Variants in PIK3C2G observed in about 807,000 individuals in gnomAD.
PIK3C2G encodes phosphatidylinositol 3-kinase C2 domain-containing subunit gamma.
PIK3C2G carries 168 observed loss-of-function variants against 181.1 expected under a neutral mutation model. The ratio of observed to expected loss-of-function variants is 0.93; its 90% CI spans 0.82 to 1.05. The LOEUF is 1.05. Ranked by LOEUF, PIK3C2G falls within the 50% of genes least tolerant of loss-of-function variation. The probability of loss-of-function intolerance (pLI) is 0.00; values close to 1 mark genes in which losing one functional copy is unlikely to be tolerated. For missense variants in PIK3C2G, 1,869 were observed against 1,732.8 expected (o/e 1.08, Z -1.40); for synonymous variants, 573 against 592.2 (o/e 0.97, Z 0.47).
chr12:18,354,543 G>A (rs754611100), intron 11 of PIK3C2G, among the ~76,000 whole-genome samples: 4 of 152,188 alleles, frequency 2.6e-5, no homozygotes, highest in Non-Finnish European at 5.9e-5. Flanking sequence ...GGTAAAGAAA[G>A]CCTGCACATA....
intron 22 of PIK3C2G, among the ~76,000 whole-genome samples, chr12:18,502,780 T>C (rs898610233): frequency 3.3e-5 from 5 of 152,170 alleles, no homozygotes; most frequent in African/African-American, 1.2e-4. Flanking sequence ...AGATGTTCAC[T>C]GCTGAGTTAT....
the PIK3C2G span, among the ~76,000 whole-genome samples, chr12:18,667,424 G>A: frequency 1.3e-5 from 2 of 152,068 alleles, no homozygotes; most frequent in African/African-American, 4.8e-5. Context: ...TCTCATTCAG[G>A]TCTCCAGAGT....
At chr12:18,391,383 G>A (rs1174150084) in intron 15 of PIK3C2G, 131 bp downstream of exon 15, 2 of 564,894 alleles carry the variant, frequency 3.5e-6, no homozygotes, top group African/African-American at 3.9e-5. Context: ...CTGATGTCAT[G>A]CTTCTTGGAT....
the PIK3C2G span, among the ~76,000 whole-genome samples, chr12:18,699,338 G>A: frequency 6.6e-5 from 10 of 151,994 alleles, no homozygotes; most frequent in Admixed American, 2.6e-4. Context: ...CTTTATTACC[G>A]CCTTCCTGCC....
At chr12:18,452,172 T>C (rs1361528048) in intron 18 of PIK3C2G, among the ~76,000 whole-genome samples, 1 of 152,240 alleles carries the variant, frequency 6.6e-6, no homozygotes, top group Non-Finnish European at 1.5e-5. Flanking sequence ...GTACCTCTGG[T>C]AGAATTCGGC....
At chr12:18,396,074 T>C (rs980441100) in intron 15 of PIK3C2G, among the ~76,000 whole-genome samples, 2 of 151,620 alleles carry the variant, frequency 1.3e-5, no homozygotes, top group African/African-American at 2.4e-5. Context: ...GTAAATGCAC[T>C]AAGAACTCAA....
intron 11 of PIK3C2G, among the ~76,000 whole-genome samples, chr12:18,347,705 G>A (rs1016595179): frequency 1.3e-5 from 2 of 152,066 alleles, no homozygotes; most frequent in Non-Finnish European, 2.9e-5. Flanking sequence ...CAGCTACTCT[G>A]GAGGCTGAGG....
chr12:18,343,292 G>A, intron 9 of PIK3C2G, 35 bp from the exon 10 acceptor site: 2 of 1,154,552 alleles, frequency 1.7e-6, no homozygotes, highest in Non-Finnish European at 2.5e-6. Context: ...AATTTGTTGT[G>A]CGAATAACAA....
At chr12:18,392,441 C>A (rs1367387470) in intron 15 of PIK3C2G, among the ~76,000 whole-genome samples, 1 of 152,074 alleles carries the variant, frequency 6.6e-6, no homozygotes, top group Non-Finnish European at 1.5e-5. Context: ...CCAGTAACAT[C>A]AAACTCCTTT....
At chr12:18,555,210 A>G (rs1037677758) in intron 26 of PIK3C2G, among the ~76,000 whole-genome samples, 4 of 152,192 alleles carry the variant, frequency 2.6e-5, no homozygotes, top group African/African-American at 9.6e-5. Flanking sequence ...CTGTCATAGA[A>G]ATCTCCATCA....
the PIK3C2G span, among the ~76,000 whole-genome samples, chr12:18,673,688 T>G: frequency 6.6e-6 from 1 of 152,210 alleles, no homozygotes; most frequent in Admixed American, 6.5e-5. Flanking sequence ...GCCCTCTGAT[T>G]CACTGTCTCT....
At chr12:18,409,208 T>C (rs947514957) in intron 16 of PIK3C2G, among the ~76,000 whole-genome samples, 1 of 152,184 alleles carries the variant, frequency 6.6e-6, no homozygotes, top group African/African-American at 2.4e-5. Flanking sequence ...CATGGAATAC[T>C]ATGCAGCCAT....
the PIK3C2G span, among the ~76,000 whole-genome samples, chr12:18,682,739 A>G: frequency 6.6e-6 from 1 of 151,984 alleles, no homozygotes; most frequent in Non-Finnish European, 1.5e-5. Context: ...ACTCCAGTGC[A>G]CAGCATCTAA....
chr12:18,337,211 A>G (rs1336204147), intron 8 of PIK3C2G, among the ~76,000 whole-genome samples: 1 of 152,156 alleles, frequency 6.6e-6, no homozygotes, highest in Non-Finnish European at 1.5e-5. Context: ...GAAAAGAGAG[A>G]TTTCTCACTA....
chr12:18,700,512 C>CAAAAAAAAAAAA, the PIK3C2G span, among the ~76,000 whole-genome samples: 78 of 67,854 alleles, frequency 1.1e-3, 2 homozygotes, highest in Admixed American at 2.0e-3. Context: ...AGCCAACGTA[C>CAAAAAAAAAAAA]AAAAAAAAAA....
At chr12:18,303,115 C>CTTCT (rs71061296) in intron 5 of PIK3C2G, among the ~76,000 whole-genome samples, 3,993 of 136,692 alleles carry the variant, frequency 0.029, 79 homozygotes, top group Middle Eastern at 0.04. Flanking sequence ...TCTTTCTTTC[C>CTTCT]TTCTTTCTTT....
Position 18,371,310 on chromosome 12 carries a change from G to C in PIK3C2G, c.1879G>C (p.Glu627Gln). ...AWTCLPLFPK[E>Q]KSILGSMLFS... ...GACTTGTCTTCCACTGTTTCCAAAA[G>C]AGTAAGTGTATCAATTGTGAGTAAT... is the stretch of plus-strand genomic sequence containing the variant. Residue 627 changes from glutamate (E) to glutamine (Q), a missense_variant and splice_region_variant, in exon 13 of 33, where the codon GAA becomes CAA. Glu to Gln is a conservative substitution (Grantham distance 29). Transcript: ENST00000538779. 6.2e-7 allele frequency: 1 copy of C among 1,604,322 alleles called. No homozygotes were observed. The highest frequency in any genetic ancestry group is 8.5e-7 in the Non-Finnish European group (1 of 1,175,992).
chr12:18,370,610 G>A (rs918498321), intron 12 of PIK3C2G, among the ~76,000 whole-genome samples: 3 of 152,072 alleles, frequency 2.0e-5, no homozygotes, highest in African/African-American at 7.2e-5. Flanking sequence ...GAGCTCTTAA[G>A]CATTCTGGCA....
At chr12:18,376,382 C>T (rs12579608) in intron 13 of PIK3C2G, among the ~76,000 whole-genome samples, 14,035 of 152,242 alleles carry the variant, frequency 0.092, 1,001 homozygotes, top group Admixed American at 0.25. Context: ...CAAATTCTCC[C>T]TTTTGGAATA....
Sources: gnomAD v4.1 joint callset for allele counts (sites outside exome capture counted in the v4.1 genomes callset) on GRCh38, gnomAD v4.1.1 for gene constraint, MANE v1.5 for transcripts, NCBI Gene and HGNC (gene_info 2026-07-23, HGNC 2026-07-21) for gene names.